Variants in MAP2K6 observed in about 807,000 individuals in gnomAD.
MAP2K6 encodes dual specificity mitogen-activated protein kinase kinase 6.
In MAP2K6, 16 loss-of-function variants were observed where a neutral mutation model predicts 53.7. That is an observed-to-expected ratio of 0.30 (90% CI 0.20 to 0.45). The LOEUF (loss-of-function observed/expected upper bound fraction) is 0.45, where lower values mean the gene tolerates loss of function less well. Ranked by LOEUF, MAP2K6 falls within the 20% of genes least tolerant of loss-of-function variation. The pLI is 1.00. For synonymous variants in MAP2K6, 132 were observed against 143.1 expected (o/e 0.92, Z 0.55); for missense variants, 204 against 411.9 (o/e 0.50, Z 4.37).
chr17:69,520,202 T>G, intron 5 of MAP2K6, 68 bp from the exon 6 acceptor site: 1 of 845,082 alleles, frequency 1.2e-6, no homozygotes, highest in South Asian at 1.5e-5. Flanking sequence ...GTTTACTGTT[T>G]TTTTTTTTTA....
chr17:69,537,345 C>T (rs945317222), intron 11 of MAP2K6, among the ~76,000 whole-genome samples: 1 of 152,164 alleles, frequency 6.6e-6, no homozygotes, highest in Non-Finnish European at 1.5e-5. Flanking sequence ...GGAAGAGTTA[C>T]GTTCATGCAC....
intron 1 of MAP2K6, chr17:69,502,715 G>C (rs946689326): frequency 2.0e-6 from 2 of 985,436 alleles, no homozygotes; most frequent in African/African-American, 3.5e-5. Flanking sequence ...GGGGGGCTGT[G>C]GGGGTGGCTG....
At chr17:69,537,601 C>T (rs976325801) in intron 11 of MAP2K6, among the ~76,000 whole-genome samples, 2 of 152,290 alleles carry the variant, frequency 1.3e-5, no homozygotes, top group African/African-American at 2.4e-5. Flanking sequence ...CAGGAAGATG[C>T]GTGATAGTTA....
intron 1 of MAP2K6, among the ~76,000 whole-genome samples, chr17:69,498,492 C>G (rs1023041376): frequency 5.3e-5 from 8 of 152,134 alleles, no homozygotes; most frequent in Non-Finnish European, 4.4e-5. Flanking sequence ...GGGGACCCAC[C>G]TGCATGGGTC....
intron 8 of MAP2K6, among the ~76,000 whole-genome samples, chr17:69,524,103 C>T (rs1378359321): frequency 6.6e-6 from 1 of 152,080 alleles, no homozygotes; most frequent in African/African-American, 2.4e-5. Context: ...AATCACCCCC[C>T]AAAGGCCCTG....
rs1479907474 is a variant in MAP2K6 at position 69,548,880 on chromosome 17, C to A, written c.*7127C>A. ...TCTTTTCAGTTTCTGACCCAGATTTCTTTTTCAAGCAAAACTCCTCTGAAA... is the reference window on the plus strand; with the variant it reads ...TCTTTTCAGTTTCTGACCCAGATTTATTTTTCAAGCAAAACTCCTCTGAAA... On this transcript the variant is annotated 3_prime_UTR_variant, in exon 12 of 12. Coordinates refer to ENST00000590474, the MANE Select transcript of MAP2K6 (RefSeq NM_002758.4). The A allele has an allele frequency of 2.0e-5, 3 of 152,208 alleles. No individual in the cohort carries two copies. Among genetic ancestry groups the A allele is most frequent in the East Asian group, 3.9e-4 (2 of 5,180 alleles). 9.4% of individuals were successfully genotyped at this position (152,208 alleles called of 1,614,324 possible). A position where few individuals can be genotyped will look rare whatever the true frequency, so the allele number is the denominator to read the frequency against.
chr17:69,519,609 G>T, intron 5 of MAP2K6, 177 bp downstream of exon 5: 3 of 648,952 alleles, frequency 4.6e-6, no homozygotes, highest in Non-Finnish European at 5.0e-6. Context: ...TTGAAATTAT[G>T]GTATTTTCAA....
intron 2 of MAP2K6, among the ~76,000 whole-genome samples, chr17:69,508,047 T>TTTG (rs1909610886): frequency 3.1e-5 from 2 of 64,406 alleles, no homozygotes; most frequent in Non-Finnish European, 3.0e-5. Context: ...TGTAGTTTTT[T>TTTG]TTTTTTTTTT....
At chr17:69,526,516 T>C in intron 9 of MAP2K6, 54 bp from the exon 10 acceptor site, 2 of 1,581,436 alleles carry the variant, frequency 1.3e-6, no homozygotes, top group African/African-American at 2.7e-5. Flanking sequence ...CGTGGGTGAT[T>C]CCCTAAAGCA....
At chr17:69,423,709 CT>C (rs1181266464) in intron 1 of MAP2K6, among the ~76,000 whole-genome samples, 3 of 152,164 alleles carry the variant, frequency 2.0e-5, no homozygotes, top group African/African-American at 7.2e-5. Flanking sequence ...TACCCGTCTC[CT>C]TTTGCCCGTC....
At chr17:69,475,164 GTTTTTTT>G (rs775528883) in intron 1 of MAP2K6, among the ~76,000 whole-genome samples, 2 of 111,652 alleles carry the variant, frequency 1.8e-5, no homozygotes, top group African/African-American at 7.5e-5. Flanking sequence ...TGAAATCTGT[GTTTTTTT>G]TTTTTTTTTT....
chr17:69,460,251 G>A (rs1447888067), intron 1 of MAP2K6, among the ~76,000 whole-genome samples: 1 of 152,150 alleles, frequency 6.6e-6, no homozygotes, highest in African/African-American at 2.4e-5. Context: ...GTGAGGGGAG[G>A]GTGTCATGAA....
At chr17:69,516,530 G>A (rs186612971) in intron 2 of MAP2K6, among the ~76,000 whole-genome samples, 22 of 152,226 alleles carry the variant, frequency 1.4e-4, no homozygotes, top group Middle Eastern at 3.4e-3. Context: ...TAGCTCATAC[G>A]AATTAGATAT....
chr17:69,498,711 A>G (rs1909041149), intron 1 of MAP2K6, among the ~76,000 whole-genome samples: 1 of 149,632 alleles, frequency 6.7e-6, no homozygotes, highest in Non-Finnish European at 1.5e-5. Context: ...GAGAGAAGGG[A>G]CCACTGAGCC....
At chr17:69,458,191 C>A (rs917775850) in intron 1 of MAP2K6, among the ~76,000 whole-genome samples, 5 of 152,048 alleles carry the variant, frequency 3.3e-5, no homozygotes, top group Non-Finnish European at 5.9e-5. Context: ...GTAGCTGGGG[C>A]TACAGGTGCC....
At chr17:69,486,740 C>G (rs775016717) in intron 1 of MAP2K6, among the ~76,000 whole-genome samples, 32 of 151,782 alleles carry the variant, frequency 2.1e-4, no homozygotes, top group Non-Finnish European at 4.6e-4. Context: ...AGGGAATAGG[C>G]TTTTCAATGT....
intron 1 of MAP2K6, among the ~76,000 whole-genome samples, chr17:69,418,072 A>C (rs895858151): frequency 2.6e-5 from 4 of 152,102 alleles, no homozygotes; most frequent in Non-Finnish European, 4.4e-5. Context: ...GAAATGTGTA[A>C]ATTTCTTGTT....
chr17:69,507,173 G>A (rs573226768), intron 2 of MAP2K6, among the ~76,000 whole-genome samples: 44 of 152,162 alleles, frequency 2.9e-4, no homozygotes, highest in African/African-American at 9.4e-4. Flanking sequence ...GCAAAGAAAC[G>A]TACAGGGAAG....
intron 1 of MAP2K6, among the ~76,000 whole-genome samples, chr17:69,500,371 G>A (rs11651278): frequency 0.16 from 23,457 of 148,320 alleles, 2,018 homozygotes; most frequent in Middle Eastern, 0.22. Flanking sequence ...TTGCTTGAAC[G>A]TGGGAAGCAG....
Sources: gnomAD v4.1 joint callset for allele counts (sites outside exome capture counted in the v4.1 genomes callset) on GRCh38, gnomAD v4.1.1 for gene constraint, MANE v1.5 for transcripts, NCBI Gene and HGNC (gene_info 2026-07-23, HGNC 2026-07-21) for gene names.